MYO3A: variants seen among roughly 807,000 people sequenced by gnomAD.
The protein encoded by MYO3A is myosin-IIIa.
In MYO3A, 180 loss-of-function variants were observed where a neutral mutation model predicts 192.7. That is an observed-to-expected ratio of 0.93 (90% CI 0.83 to 1.06). The LOEUF (loss-of-function observed/expected upper bound fraction) is 1.06. Ranked by LOEUF, MYO3A falls within the 50% of genes least tolerant of loss-of-function variation. The probability of loss-of-function intolerance (pLI) is 0.00; values close to 1 mark genes in which losing one functional copy is unlikely to be tolerated. For missense variants in MYO3A, 1,896 were observed against 1,905.0 expected (o/e 1.00, Z 0.09); for synonymous variants, 628 against 645.3 (o/e 0.97, Z 0.41).
intron 4 of MYO3A, among the ~76,000 whole-genome samples, chr10:25,976,155 A>G (rs1284407449): frequency 2.0e-5 from 3 of 152,216 alleles, no homozygotes; most frequent in Non-Finnish European, 4.4e-5. Context: ...ATGGCAGTGT[A>G]AAACAGTTCA....
At chr10:25,975,208 C>G (rs1164992706) in intron 4 of MYO3A, among the ~76,000 whole-genome samples, 1 of 152,132 alleles carries the variant, frequency 6.6e-6, no homozygotes, top group Non-Finnish European at 1.5e-5. Context: ...AGGTCCTATA[C>G]ATGAAAAGGT....
Position 26,176,744 on chromosome 10 carries a change from T to G in MYO3A, c.4337T>G (p.Leu1446Trp), listed in dbSNP as rs1178171127. 5 of 1,611,246 alleles carry G rather than the reference T, an allele frequency of 3.1e-6. No homozygotes were observed. In the African/African-American group the frequency reaches 5.3e-5, roughly 17 times the overall value. ...GAATATTTCATTCTGCAGAAAAAAT[T>G]GAATGAAATGATTTTGTCACAGCAA... is the stretch of plus-strand genomic sequence containing the variant. The part of the protein sequence containing the change: ...SEEYFILQKK[L>W]NEMILSQQLK... The change falls in exon 31 of 35, where the codon TTG becomes TGG. Residue 1446 changes from leucine (L) to tryptophan (W), a missense_variant. Coordinates refer to ENST00000642920, the MANE Select transcript of MYO3A (RefSeq NM_017433.5).
At chr10:26,119,347 G>A (rs11014960) in intron 17 of MYO3A, among the ~76,000 whole-genome samples, 19,314 of 152,088 alleles carry the variant, frequency 0.13, 1,597 homozygotes, top group East Asian at 0.31. Flanking sequence ...ACACCCCAAG[G>A]AAACCAGGAT....
intron 23 of MYO3A, among the ~76,000 whole-genome samples, chr10:26,149,803 T>G (rs1840694366): frequency 6.6e-6 from 1 of 152,192 alleles, no homozygotes; most frequent in Non-Finnish European, 1.5e-5. Context: ...TATAATACTA[T>G]GAACTTACGT....
Position 26,174,337 on chromosome 10 carries a change from G to A in MYO3A, c.4073G>A (p.Arg1358Gln), listed in dbSNP as rs141903506. The A allele has an allele frequency of 3.8e-5, 62 of 1,614,134 alleles. No individual in the cohort carries two copies. The African/African-American group carries it at 5.3e-4, about 14-fold the overall frequency. ...GCGGTATTCATTCAGAGCAAATACC[G>A]GGGTTACAAGAGAAGGCAGCAGTTG... ...KAAVFIQSKYRGYKRRQQLRK... is the reference protein window; with the variant it reads ...KAAVFIQSKYQGYKRRQQLRK... The change falls in exon 30 of 35, where the codon CGG becomes CAG. Residue 1358 changes from arginine to glutamine, a missense_variant. Arg to Gln is a conservative substitution (Grantham distance 43). Coordinates refer to ENST00000642920, the MANE Select transcript of MYO3A (RefSeq NM_017433.5).
intron 17 of MYO3A, among the ~76,000 whole-genome samples, chr10:26,099,894 A>G (rs1837323463): frequency 6.6e-6 from 1 of 152,148 alleles, no homozygotes. Flanking sequence ...TGTCTCTCCC[A>G]GGCTTTGGTG....
At chr10:25,965,556 C>G (rs373975724) in intron 4 of MYO3A, among the ~76,000 whole-genome samples, 3 of 152,040 alleles carry the variant, frequency 2.0e-5, no homozygotes, top group African/African-American at 7.2e-5. Flanking sequence ...TGTCTCAGTT[C>G]GTTGCGTGAT....
chr10:26,013,200 C>T (rs932799020), intron 6 of MYO3A, among the ~76,000 whole-genome samples: 9 of 152,042 alleles, frequency 5.9e-5, no homozygotes, highest in African/African-American at 2.2e-4. Context: ...AGAAACTTTT[C>T]TAGACATCAG....
chr10:25,994,485 T>A (rs901288087), intron 4 of MYO3A, among the ~76,000 whole-genome samples: 1 of 152,216 alleles, frequency 6.6e-6, no homozygotes, highest in Non-Finnish European at 1.5e-5. Context: ...AGTCTGTGTC[T>A]TTTAATTGGA....
At chr10:25,943,377 A>G (rs1232213768) in intron 2 of MYO3A, among the ~76,000 whole-genome samples, 2 of 152,104 alleles carry the variant, frequency 1.3e-5, no homozygotes, top group African/African-American at 2.4e-5. Context: ...TTGAGATTCC[A>G]TATGAGTTTT....
In MYO3A at chr10:25,996,560, C is replaced by T. The variant is rs756557890; in HGVS notation, c.374C>T (p.Pro125Leu). 3.1e-6 allele frequency: 5 copies of T among 1,613,610 alleles called. No homozygotes were observed. In the East Asian group the frequency reaches 6.7e-5, roughly 22 times the overall value. Residue 125 changes from proline to leucine, a missense_variant, in exon 5 of 35, where the codon CCT becomes CTT. Coordinates refer to ENST00000642920, the MANE Select transcript of MYO3A (RefSeq NM_017433.5). Reference sequence around the variant, plus strand: ...AAGAGGGGTGAAAGAATGAGTGAGCCTCTAATTGCCTATATTTTACATGAA... The same window carrying T: ...AAGAGGGGTGAAAGAATGAGTGAGCTTCTAATTGCCTATATTTTACATGAA... ...FLKRGERMSE[P>L]LIAYILHEAL...
At chr10:26,128,565 T>C (rs1329243981) in intron 20 of MYO3A, 27 bp downstream of exon 20, 15 of 1,574,674 alleles carry the variant, frequency 9.5e-6, no homozygotes, top group Admixed American at 3.3e-5. Flanking sequence ...ACTATAAATA[T>C]GCATGCATGC....
At chr10:25,946,905 A>G (rs1836875250) in intron 2 of MYO3A, among the ~76,000 whole-genome samples, 1 of 149,428 alleles carries the variant, frequency 6.7e-6, no homozygotes, top group Admixed American at 6.6e-5. Flanking sequence ...AAAAAAAAAA[A>G]AAGATTTGCC....
At chr10:26,147,323 A>G in intron 22 of MYO3A, 107 bp from the exon 23 acceptor site, 1 of 1,197,196 alleles carries the variant, frequency 8.4e-7, no homozygotes, top group Non-Finnish European at 1.2e-6. Context: ...GTTGCTGAAC[A>G]TAGAGTAAGC....
intron 20 of MYO3A, among the ~76,000 whole-genome samples, chr10:26,142,282 C>G (rs911319597): frequency 2.0e-5 from 3 of 152,246 alleles, no homozygotes; most frequent in Non-Finnish European, 4.4e-5. Context: ...ACCTGAGAAG[C>G]AGTGACTCCC....
chr10:25,970,738 G>T (rs1455625372), intron 4 of MYO3A, among the ~76,000 whole-genome samples: 1 of 151,668 alleles, frequency 6.6e-6, no homozygotes, highest in Non-Finnish European at 1.5e-5. Context: ...GTATCAAATG[G>T]GGAAAATTAT....
rs1476352320 is a variant in MYO3A at position 26,193,697 on chromosome 10, CAG to C, written c.4545+388_4545+389del. Reference sequence around the variant, plus strand: ...GAAGAAAAGGAAAGAAGAGGGGAAACAGACGTTTATTAAGCATCTTTTAAATT... The same window carrying C: ...GAAGAAAAGGAAAGAAGAGGGGAAACACGTTTATTAAGCATCTTTTAAATT... On this transcript the variant is annotated intron_variant, in intron 32 of 34. Coordinates refer to ENST00000642920, the MANE Select transcript of MYO3A (RefSeq NM_017433.5). Among the ~76,000 whole-genome samples, 3 of 152,306 alleles carry C rather than the reference CAG, an allele frequency of 2.0e-5. No individual in the cohort carries two copies. In the East Asian group the frequency reaches 5.8e-4, roughly 29 times the overall value.
chr10:25,953,451 T>C (rs1837340590), intron 3 of MYO3A, among the ~76,000 whole-genome samples: 1 of 152,128 alleles, frequency 6.6e-6, no homozygotes, highest in Non-Finnish European at 1.5e-5. Flanking sequence ...TAACTGTTGC[T>C]GAATGTCTTC....
intron 15 of MYO3A, among the ~76,000 whole-genome samples, chr10:26,090,653 A>T: frequency 6.6e-6 from 1 of 152,230 alleles, no homozygotes; most frequent in Admixed American, 6.5e-5. Context: ...ACCTATGAAT[A>T]TGAAAATATC....
Sources: allele counts gnomAD v4.1 joint callset (sites outside exome capture counted in the v4.1 genomes callset), GRCh38; gene constraint gnomAD v4.1.1; transcripts MANE v1.5; gene names NCBI Gene and HGNC (gene_info 2026-07-23, HGNC 2026-07-21).